Variants in GSE1 observed in about 807,000 individuals in gnomAD.
The protein encoded by GSE1 is genetic suppressor element 1.
GSE1 carries 32 observed loss-of-function variants against 112.6 expected under a neutral mutation model. The ratio of observed to expected loss-of-function variants is 0.28; its 90% CI spans 0.21 to 0.38. GSE1 has a LOEUF of 0.38. GSE1 is among the 10% of genes least tolerant of loss of function. The pLI, the probability that GSE1 is intolerant of heterozygous loss-of-function variation, is 1.00. For missense variants in GSE1, 2,348 were observed against 1,699.2 expected, an observed-to-expected ratio of 1.38 and a Z score of -6.71; for synonymous variants, 1,115 against 735.6, an observed-to-expected ratio of 1.52 and a Z score of -8.35.
At chr16:85,573,744 A>G (rs1486349292) in intron 1 of GSE1, among the ~76,000 whole-genome samples, 1 of 152,228 alleles carries the variant, frequency 6.6e-6, no homozygotes, top group Non-Finnish European at 1.5e-5. Flanking sequence ...GGTTTGTGCC[A>G]GTCTGGGCCC....
chr16:85,329,170 C>T (rs550530556), intron 1 of GSE1, among the ~76,000 whole-genome samples: 1 of 152,206 alleles, frequency 6.6e-6, no homozygotes, highest in Non-Finnish European at 1.5e-5. Flanking sequence ...CAAACCAAGC[C>T]CAGCTAGAAA....
At chr16:85,649,621 C>T (rs1205368312) in intron 3 of GSE1, among the ~76,000 whole-genome samples, 2 of 148,128 alleles carry the variant, frequency 1.4e-5, no homozygotes, top group African/African-American at 4.9e-5. Flanking sequence ...AGGTGGGTAC[C>T]TGCAGCTCTC....
chr16:85,665,581 A>C (rs893849859), intron 12 of GSE1, among the ~76,000 whole-genome samples: 6 of 132,968 alleles, frequency 4.5e-5, no homozygotes, highest in African/African-American at 1.5e-4. Context: ...CTGCCGCCAC[A>C]CCTTTCCTCC....
chr16:85,445,850 C>A (rs1597782080), intron 2 of GSE1, among the ~76,000 whole-genome samples: 1 of 152,298 alleles, frequency 6.6e-6, no homozygotes, highest in East Asian at 1.9e-4. Context: ...TCGCTGGGGT[C>A]AGGCTGATGA....
intron 2 of GSE1, among the ~76,000 whole-genome samples, chr16:85,511,320 A>G (rs1336998082): frequency 6.6e-6 from 1 of 152,204 alleles, no homozygotes; most frequent in Non-Finnish European, 1.5e-5. Flanking sequence ...TGAGATCAGG[A>G]GTTCGAGACC....
intron 3 of GSE1, among the ~76,000 whole-genome samples, chr16:85,652,755 A>T (rs2051480551): frequency 6.6e-6 from 1 of 151,710 alleles, no homozygotes; most frequent in Non-Finnish European, 1.5e-5. Context: ...CCCCTGGGAG[A>T]CAGATGCTTC....
intron 1 of GSE1, among the ~76,000 whole-genome samples, chr16:85,188,626 A>T (rs1490240687): frequency 1.3e-5 from 2 of 152,042 alleles, no homozygotes; most frequent in South Asian, 2.1e-4. Flanking sequence ...ACATAGCAAG[A>T]CGCCATCTCT....
At chr16:85,462,685 G>T (rs1324174133) in intron 2 of GSE1, among the ~76,000 whole-genome samples, 1 of 138,514 alleles carries the variant, frequency 7.2e-6, no homozygotes, top group African/African-American at 2.6e-5. Context: ...GGGGAGGGCG[G>T]CGGGGGCGCC....
chr16:85,279,642 G>A (rs1395547754), intron 1 of GSE1, among the ~76,000 whole-genome samples: 4 of 152,180 alleles, frequency 2.6e-5, no homozygotes, highest in African/African-American at 7.2e-5. Flanking sequence ...AAACAGTGAT[G>A]TAGCTCTGTG....
At chr16:85,315,154 G>A (rs1385279879) in intron 1 of GSE1, among the ~76,000 whole-genome samples, 2 of 152,008 alleles carry the variant, frequency 1.3e-5, no homozygotes. Flanking sequence ...AAGTTCTGAG[G>A]GCACCACCGC....
rs1303108911 is a variant in GSE1, at chr16:85,646,106, A to G, written c.227-2446A>G. Among the ~76,000 whole-genome samples the G allele has an allele frequency of 2.8e-5, 3 of 108,102 alleles. 1 individual carries two copies. Among genetic ancestry groups the G allele is most frequent in the Admixed American group, 2.7e-4 (3 of 11,218 alleles). The allele number at this position is 108,102 out of a possible 152,430, so 70.9% of individuals were successfully genotyped here. A position where few individuals can be genotyped will look rare whatever the true frequency, so the allele number is the denominator to read the frequency against. ...CTTCTACCACGCTTCCTATGCATGCATTCTACCTGCTTCTACCACGCTTCC... is the reference window on the plus strand; with the variant it reads ...CTTCTACCACGCTTCCTATGCATGCGTTCTACCTGCTTCTACCACGCTTCC... On this transcript the variant is annotated intron_variant, in intron 2 of 15. Transcript: ENST00000253458.
chr16:85,602,158 G>T (rs1043698584), intron 1 of GSE1, among the ~76,000 whole-genome samples: 1 of 152,172 alleles, frequency 6.6e-6, no homozygotes, highest in East Asian at 1.9e-4. Flanking sequence ...GGCACTTAAC[G>T]AATGCTGATT....
At chr16:85,558,707 G>T (rs965738766) in intron 1 of GSE1, among the ~76,000 whole-genome samples, 15 of 152,174 alleles carry the variant, frequency 9.9e-5, no homozygotes, top group Admixed American at 2.6e-4. Context: ...AGTTTTTTTG[G>T]TGGTTGTATT....
At chr16:85,536,537 G>A (rs1007264711) in intron 2 of GSE1, among the ~76,000 whole-genome samples, 6 of 152,212 alleles carry the variant, frequency 3.9e-5, no homozygotes, top group African/African-American at 1.2e-4. Flanking sequence ...CACACCTCAC[G>A]GATAACGGAG....
At chr16:85,313,070 A>G (rs1282346554) in intron 1 of GSE1, among the ~76,000 whole-genome samples, 1 of 152,032 alleles carries the variant, frequency 6.6e-6, no homozygotes, top group Non-Finnish European at 1.5e-5. Flanking sequence ...CAGCTCTGAC[A>G]CTCCAGTGCA....
rs572813710 is a variant in GSE1, at chr16:85,636,903, ACCCCCCAGCTCCCCTGTGCTAC to A, written c.226+2785_226+2806del. 6.2e-3 allele frequency among the ~76,000 whole-genome samples: 931 copies of A among 150,964 alleles called. 28 individuals are homozygous for A. The highest frequency in any genetic ancestry group is 0.044 in the Admixed American group (664 of 15,188). On this transcript the variant is annotated intron_variant, in intron 2 of 15. Transcript: ENST00000253458. ...CCTGGATGACAGTGGGGACATGTGG[ACCCCCCAGCTCCCCTGTGCTAC>A]CCCCCCAGCTCCCTGGTGCTACCTC...
At chr16:85,657,776 T>A (rs574921585) in intron 8 of GSE1, among the ~76,000 whole-genome samples, 172 bp downstream of exon 8, 1 of 152,316 alleles carries the variant, frequency 6.6e-6, no homozygotes, top group African/African-American at 2.4e-5. Flanking sequence ...ATGGGGAAGC[T>A]GAGACTGAGG....
At chr16:85,180,812 A>C (rs2074567781) in intron 1 of GSE1, among the ~76,000 whole-genome samples, 2 of 152,126 alleles carry the variant, frequency 1.3e-5, no homozygotes, top group African/African-American at 4.8e-5. Context: ...GCCTCCCTGG[A>C]GAAGGGGTAT....
chr16:85,374,186 C>T (rs747393113), intron 2 of GSE1, among the ~76,000 whole-genome samples: 2 of 135,412 alleles, frequency 1.5e-5, no homozygotes, highest in Non-Finnish European at 3.1e-5. Context: ...GTCAGTGTGC[C>T]TCTGTGTGTT....
Sources: allele counts gnomAD v4.1 joint callset (sites outside exome capture counted in the v4.1 genomes callset), GRCh38; gene constraint gnomAD v4.1.1; transcripts MANE v1.5; gene names NCBI Gene and HGNC (gene_info 2026-07-23, HGNC 2026-07-21).